ATP8A2: variants seen among roughly 807,000 people sequenced by gnomAD.
ATP8A2 encodes the protein ATPase phospholipid transporting 8A2, also known as phospholipid-transporting ATPase IB.
In ATP8A2, 100 loss-of-function variants were observed where a neutral mutation model predicts 165.6. The ratio of observed to expected loss-of-function variants is 0.60; its 90% confidence interval spans 0.51 to 0.71. The LOEUF (loss-of-function observed/expected upper bound fraction) is 0.71. Ranked by LOEUF, ATP8A2 falls within the 30% of genes least tolerant of loss-of-function variation. The pLI is 0.00. For synonymous variants in ATP8A2, 543 were observed against 548.8 expected (o/e 0.99, Z 0.15); for missense variants, 1,227 against 1,479.5 (o/e 0.83, Z 2.80).
At chr13:25,425,574 C>T (rs1593289656) in intron 1 of ATP8A2, among the ~76,000 whole-genome samples, 2 of 99,092 alleles carry the variant, frequency 2.0e-5, no homozygotes, top group Non-Finnish European at 4.8e-5. Flanking sequence ...AGATTGGCTT[C>T]TTTCTTTCCT....
intron 13 of ATP8A2, among the ~76,000 whole-genome samples, chr13:25,558,468 C>T (rs1436938712): frequency 6.6e-6 from 1 of 152,158 alleles, no homozygotes; most frequent in Non-Finnish European, 1.5e-5. Flanking sequence ...AGAAAAATTA[C>T]TGAGTAAGCA....
intron 33 of ATP8A2, among the ~76,000 whole-genome samples, chr13:25,928,079 A>G (rs899436960): frequency 2.0e-5 from 3 of 152,218 alleles, no homozygotes; most frequent in African/African-American, 4.8e-5. Context: ...AACCCTAGAG[A>G]AAACAACTGG....
At chr13:25,857,253 C>G (rs1202857751) in intron 30 of ATP8A2, among the ~76,000 whole-genome samples, 3 of 152,168 alleles carry the variant, frequency 2.0e-5, no homozygotes, top group Non-Finnish European at 4.4e-5. Context: ...CTGTAGATCC[C>G]CATTTAACTC....
chr13:25,500,305 T>A (rs1458825256), intron 2 of ATP8A2, among the ~76,000 whole-genome samples: 1 of 152,196 alleles, frequency 6.6e-6, no homozygotes, highest in Admixed American at 6.5e-5. Context: ...ATTATGTTAT[T>A]GTAGAGCTTT....
intron 30 of ATP8A2, among the ~76,000 whole-genome samples, chr13:25,853,396 A>AAAAAATATATATATATAT (rs1555278504): frequency 9.3e-6 from 1 of 107,868 alleles, no homozygotes; most frequent in Non-Finnish European, 1.9e-5. Context: ...ATCTAAAAAA[A>AAAAAATATATATATATAT]ATATATATAT....
intron 6 of ATP8A2, among the ~76,000 whole-genome samples, chr13:25,535,844 A>AT (rs2038262893): frequency 6.6e-6 from 1 of 151,818 alleles, no homozygotes; most frequent in South Asian, 2.1e-4. Flanking sequence ...CCAAAAAAAA[A>AT]TTTTTTTTCA....
intron 1 of ATP8A2, among the ~76,000 whole-genome samples, chr13:25,411,997 C>A (rs536890022): frequency 1.3e-5 from 2 of 152,160 alleles, no homozygotes; most frequent in Non-Finnish European, 2.9e-5. Flanking sequence ...TCTCTTCCTG[C>A]GTCAGACCTG....
chr13:25,541,869 C>T (rs779098260), intron 8 of ATP8A2, 50 bp from the exon 9 acceptor site: 5 of 1,608,840 alleles, frequency 3.1e-6, no homozygotes, highest in Admixed American at 3.3e-5. Flanking sequence ...AATGGTGTCC[C>T]TAAGCACAGA....
intron 2 of ATP8A2, among the ~76,000 whole-genome samples, chr13:25,510,174 AACACACACACACACACAC>A (rs57755000): frequency 1.2e-4 from 15 of 128,494 alleles, no homozygotes; most frequent in South Asian, 2.7e-4. Flanking sequence ...GTCTGTCTGT[AACACACACACACACACAC>A]ACACACACAC....
intron 27 of ATP8A2, among the ~76,000 whole-genome samples, chr13:25,796,463 C>T (rs1445422420): frequency 2.0e-5 from 3 of 152,086 alleles, no homozygotes; most frequent in Non-Finnish European, 4.4e-5. Flanking sequence ...ACTGGAGTTC[C>T]AAAAGGAGAG....
At chr13:25,869,323 C>G (rs1952613739) in intron 33 of ATP8A2, among the ~76,000 whole-genome samples, 1 of 151,762 alleles carries the variant, frequency 6.6e-6, no homozygotes, top group Non-Finnish European at 1.5e-5. Flanking sequence ...AAGTTGGAAG[C>G]TCCTTAAAGT....
At chr13:25,800,919 G>A (rs1431005107) in intron 27 of ATP8A2, among the ~76,000 whole-genome samples, 2 of 152,112 alleles carry the variant, frequency 1.3e-5, no homozygotes, top group East Asian at 3.9e-4. Flanking sequence ...TTAATTCTGA[G>A]CAGAGGCAGC....
chr13:25,793,994 G>A (rs1056358722), intron 27 of ATP8A2, among the ~76,000 whole-genome samples: 2 of 152,170 alleles, frequency 1.3e-5, no homozygotes, highest in African/African-American at 4.8e-5. Context: ...CACAGACATG[G>A]GGGAGAAGGA....
At chr13:25,486,783 T>C (rs2036367362) in intron 2 of ATP8A2, among the ~76,000 whole-genome samples, 1 of 151,994 alleles carries the variant, frequency 6.6e-6, no homozygotes, top group African/African-American at 2.4e-5. Context: ...TGGGGCAACA[T>C]GGTGAAACCC....
In ATP8A2 at chr13:26,000,743, C is replaced by T. The variant is rs533358118; in HGVS notation, c.3378-11788C>T. The stretch of plus-strand genomic sequence containing the variant: ...AATTAAGTACTTTAATGCCAATACC[C>T]CCCACCATGGGAAAAATAAACTGTA... On this transcript the variant is annotated intron_variant, in intron 35 of 36. Coordinates refer to ENST00000381655, the MANE Select transcript of ATP8A2 (RefSeq NM_016529.6). Among the ~76,000 whole-genome samples, 22 of 150,928 alleles carry T rather than the reference C, an allele frequency of 1.5e-4. No homozygotes were observed. In the East Asian group the frequency reaches 4.1e-3, roughly 28 times the overall value.
chr13:25,742,655 T>TTC lies in ATP8A2; in HGVS notation c.2385-26369_2385-26368dup, dbSNP rs10564366. Among the ~76,000 whole-genome samples, 485 of 144,842 alleles carry TTC rather than the reference T, an allele frequency of 3.3e-3. 4 individuals are homozygous for TTC. Among genetic ancestry groups the TTC allele is most frequent in the South Asian group, 3.7e-3 (17 of 4,636 alleles). On this transcript the variant is annotated intron_variant, in intron 25 of 36. Transcript: ENST00000381655. ...CCCCCCCACACACCCCACTCCACTT[T>TTC]TCTCTCTCTCTCTCTCTCTCTCTGT...
At chr13:25,798,281 CAT>C (rs1950537543) in intron 27 of ATP8A2, among the ~76,000 whole-genome samples, 1 of 152,156 alleles carries the variant, frequency 6.6e-6, no homozygotes, top group Admixed American at 6.5e-5. Flanking sequence ...AGCAGTGATG[CAT>C]ATAACTGAAA....
At chr13:25,919,469 C>A (rs888184135) in intron 33 of ATP8A2, among the ~76,000 whole-genome samples, 6 of 152,158 alleles carry the variant, frequency 3.9e-5, no homozygotes, top group African/African-American at 1.2e-4. Context: ...TATCTTTCTG[C>A]TGAGGAGGGC....
intron 27 of ATP8A2, among the ~76,000 whole-genome samples, chr13:25,802,355 G>A (rs1950639368): frequency 6.6e-6 from 1 of 152,102 alleles, no homozygotes; most frequent in South Asian, 2.1e-4. Flanking sequence ...CCGGGGGTAG[G>A]AAAAGCATTG....
Sources: gnomAD v4.1 joint callset for allele counts (sites outside exome capture counted in the v4.1 genomes callset) on GRCh38, gnomAD v4.1.1 for gene constraint, MANE v1.5 for transcripts, NCBI Gene and HGNC (gene_info 2026-07-23, HGNC 2026-07-21) for gene names.